The following TACC2 variants were observed in gnomAD, a reference collection of about 807,000 sequenced individuals.
TACC2 encodes transforming acidic coiled-coil containing protein 2.
TACC2 carries 137 observed loss-of-function variants against 227.3 expected under a neutral mutation model. The ratio of observed to expected loss-of-function variants is 0.60; its 90% CI spans 0.52 to 0.69. TACC2 has a LOEUF of 0.69. TACC2 is among the 30% of genes least tolerant of loss of function. The pLI, the probability that TACC2 is intolerant of heterozygous loss-of-function variation, is 0.00. For missense variants in TACC2, 3,470 were observed against 3,694.4 expected (o/e 0.94, Z 1.57); for synonymous variants, 1,523 against 1,487.5 (o/e 1.02, Z -0.55).
At chr10:122,099,431 A>AC (rs1253777843) in intron 5 of TACC2, among the ~76,000 whole-genome samples, 1 of 152,162 alleles carries the variant, frequency 6.6e-6, no homozygotes, top group Non-Finnish European at 1.5e-5. Flanking sequence ...GAGATGAGGT[A>AC]CCACCTCATG....
chr10:122,228,506 A>G (rs2095670698), intron 14 of TACC2, among the ~76,000 whole-genome samples: 1 of 152,196 alleles, frequency 6.6e-6, no homozygotes, highest in Non-Finnish European at 1.5e-5. Context: ...CAGTCCCTGC[A>G]CAGCACACGT....
chr10:122,034,237 G>A (rs879423744), intron 2 of TACC2, among the ~76,000 whole-genome samples: 29 of 150,984 alleles, frequency 1.9e-4, no homozygotes, highest in Non-Finnish European at 3.2e-4. Flanking sequence ...TTGTTTCTCT[G>A]CATATCCCAG....
At chr10:122,064,588 A>G (rs1346618529) in intron 3 of TACC2, among the ~76,000 whole-genome samples, 1 of 152,218 alleles carries the variant, frequency 6.6e-6, no homozygotes, top group Non-Finnish European at 1.5e-5. Context: ...AGTTTCCAAG[A>G]ACCACTGGAC....
chr10:122,020,045 C>T (rs1957146398), intron 1 of TACC2, among the ~76,000 whole-genome samples: 1 of 152,108 alleles, frequency 6.6e-6, no homozygotes, highest in Non-Finnish European at 1.5e-5. Flanking sequence ...TCTCTTTAGT[C>T]TGTTTGTTTA....
chr10:122,179,863 T>G (rs1017879311), intron 7 of TACC2, among the ~76,000 whole-genome samples: 1 of 152,090 alleles, frequency 6.6e-6, no homozygotes, highest in Non-Finnish European at 1.5e-5. Flanking sequence ...CAGGATCACT[T>G]GAGCTCAGTA....
At chr10:122,025,284 A>G (rs60256630) in intron 2 of TACC2, among the ~76,000 whole-genome samples, 59,452 of 151,994 alleles carry the variant, frequency 0.39, 11,938 homozygotes, top group East Asian at 0.58. Context: ...TTTTTGAGAC[A>G]GAGTCTTGCA....
intron 8 of TACC2, among the ~76,000 whole-genome samples, chr10:122,197,564 G>T (rs1184119790): frequency 6.6e-6 from 1 of 152,234 alleles, no homozygotes; most frequent in Non-Finnish European, 1.5e-5. Flanking sequence ...AAAAGAATGA[G>T]CATTATTGAG....
chr10:122,126,368 G>C (rs2086878881), intron 5 of TACC2, among the ~76,000 whole-genome samples: 1 of 120,084 alleles, frequency 8.3e-6, no homozygotes, highest in Admixed American at 9.3e-5. Context: ...AATAGTCCCA[G>C]ATTTGACAGT....
At chr10:122,128,884 C>A (rs1013697935) in intron 5 of TACC2, among the ~76,000 whole-genome samples, 1 of 151,958 alleles carries the variant, frequency 6.6e-6, no homozygotes, top group African/African-American at 2.4e-5. Context: ...CTGTCTCTCT[C>A]TCTCTCTGTC....
intron 1 of TACC2, chr10:122,019,605 A>G (rs1957090998): frequency 1.3e-5 from 2 of 152,180 alleles, no homozygotes; most frequent in Non-Finnish European, 2.9e-5. Context: ...AACGGGGAAA[A>G]TCCCTGTGTG....
Position 122,073,831 on chromosome 10 carries a change from C to G in TACC2, c.147-8816C>G, listed in dbSNP as rs868467179. Reference sequence around the variant, plus strand: ...GTCTTGCTTTGTCAGCCAGGCTGGACTGCAGTGGCGCAATCTCGGCTTACT... The same window carrying G: ...GTCTTGCTTTGTCAGCCAGGCTGGAGTGCAGTGGCGCAATCTCGGCTTACT... On this transcript the variant is annotated intron_variant, in intron 3 of 22. Transcript: ENST00000369005. Among the ~76,000 whole-genome samples, 15 of 152,116 alleles carry G rather than the reference C, an allele frequency of 9.9e-5. No homozygotes were observed. The East Asian group carries it at 1.2e-3, about 12-fold the overall frequency.
chr10:122,165,902 T>A (rs1034661285), intron 7 of TACC2, among the ~76,000 whole-genome samples: 1 of 152,224 alleles, frequency 6.6e-6, no homozygotes, highest in African/African-American at 2.4e-5. Context: ...GGGGCTTATT[T>A]TTCTAGTGCA....
intron 7 of TACC2, among the ~76,000 whole-genome samples, chr10:122,173,321 C>T (rs1197101716): frequency 6.6e-6 from 1 of 152,204 alleles, no homozygotes; most frequent in Admixed American, 6.5e-5. Context: ...TACTGGCTTC[C>T]AGCTGCTGGG....
chr10:122,048,457 CTTCTT>C (rs2075310581), intron 2 of TACC2, among the ~76,000 whole-genome samples: 1 of 147,974 alleles, frequency 6.8e-6, no homozygotes, highest in Non-Finnish European at 1.5e-5. Context: ...CCCTCCCTCC[CTTCTT>C]TCCCTCCTAC....
chr10:122,024,590 T>A (rs1957762734), intron 2 of TACC2, among the ~76,000 whole-genome samples: 1 of 152,174 alleles, frequency 6.6e-6, no homozygotes, highest in Non-Finnish European at 1.5e-5. Flanking sequence ...CCACTATTCC[T>A]ATTCCCTATT....
chr10:122,062,623 T>A (rs1478133314), intron 3 of TACC2, among the ~76,000 whole-genome samples: 1 of 152,132 alleles, frequency 6.6e-6, no homozygotes, highest in Non-Finnish European at 1.5e-5. Flanking sequence ...CCAGAGCTTC[T>A]TTACATCTGG....
At chr10:122,222,958 T>C (rs2095549578) in intron 11 of TACC2, among the ~76,000 whole-genome samples, 1 of 151,984 alleles carries the variant, frequency 6.6e-6, no homozygotes, top group South Asian at 2.1e-4. Flanking sequence ...AGTCCCAGAG[T>C]TTTATACTTG....
intron 10 of TACC2, among the ~76,000 whole-genome samples, chr10:122,216,002 A>G (rs2095396277): frequency 6.6e-6 from 1 of 152,170 alleles, no homozygotes; most frequent in East Asian, 1.9e-4. Flanking sequence ...TCAGTATGTT[A>G]GGGCTAATTT....
chr10:122,168,050 CTTTT>C (rs57366476), intron 7 of TACC2, among the ~76,000 whole-genome samples: 10 of 131,738 alleles, frequency 7.6e-5, no homozygotes. Context: ...CCATGCCCAG[CTTTT>C]TTTTTTTTTT....
Sources: gnomAD v4.1 joint callset for allele counts (sites outside exome capture counted in the v4.1 genomes callset) on GRCh38, gnomAD v4.1.1 for gene constraint, MANE v1.5 for transcripts, NCBI Gene and HGNC (gene_info 2026-07-23, HGNC 2026-07-21) for gene names.